MSH4: variants seen among roughly 807,000 people sequenced by gnomAD.
MSH4 encodes mutS homolog 4.
A neutral mutation model predicts 113.7 loss-of-function variants in MSH4; 106 were observed. The ratio of observed to expected loss-of-function variants is 0.93; its 90% CI spans 0.80 to 1.10. The LOEUF is 1.10. MSH4 is among the 50% of genes least tolerant of loss of function. The pLI is 0.00. For synonymous variants in MSH4, 368 were observed against 380.2 expected (o/e 0.97, Z 0.37); for missense variants, 1,061 against 1,093.7 (o/e 0.97, Z 0.42).
At chr1:75,836,324 G>A (rs1289552066) in intron 7 of MSH4, among the ~76,000 whole-genome samples, 1 of 120,576 alleles carries the variant, frequency 8.3e-6, no homozygotes, top group Admixed American at 1.0e-4. Context: ...TTTGAGACAA[G>A]GTCTCATTCT....
intron 1 of MSH4, 121 bp from the exon 2 acceptor site, chr1:75,803,610 T>C: frequency 2.7e-6 from 2 of 730,710 alleles, no homozygotes; most frequent in Non-Finnish European, 2.0e-6. Context: ...AGAGCAAGAC[T>C]CTGTCTCAAA....
At chr1:75,900,098 G>A (rs1017904626) in intron 19 of MSH4, among the ~76,000 whole-genome samples, 10 of 151,910 alleles carry the variant, frequency 6.6e-5, no homozygotes, top group Admixed American at 5.9e-4. Flanking sequence ...TCATATGTAA[G>A]CCTCATAACT....
intron 9 of MSH4, among the ~76,000 whole-genome samples, chr1:75,871,062 A>T (rs1282753229): frequency 8.5e-5 from 13 of 152,220 alleles, no homozygotes. Flanking sequence ...ATTGACTCAC[A>T]GTTCAGTATG....
intron 9 of MSH4, 111 bp downstream of exon 9, chr1:75,867,699 C>G (rs1166009613): frequency 1.0e-5 from 7 of 686,228 alleles, no homozygotes; most frequent in African/African-American, 1.8e-5. Flanking sequence ...GCGAATTTCC[C>G]ATATTTTTTT....
intron 19 of MSH4, among the ~76,000 whole-genome samples, chr1:75,909,604 T>C (rs1652744026): frequency 6.6e-6 from 1 of 152,132 alleles, no homozygotes; most frequent in East Asian, 1.9e-4. Context: ...AAGTCCCGCA[T>C]GCATTAGATA....
intron 6 of MSH4, among the ~76,000 whole-genome samples, chr1:75,817,371 ACT>A (rs5775311): frequency 0.79 from 120,325 of 151,800 alleles, 48,238 homozygotes; most frequent in South Asian, 0.9. Context: ...GGTTAAAATT[ACT>A]CTGTCTTTGA....
chr1:75,804,715 T>C (rs995214610), intron 2 of MSH4, among the ~76,000 whole-genome samples: 11 of 152,122 alleles, frequency 7.2e-5, no homozygotes, highest in Non-Finnish European at 1.0e-4. Flanking sequence ...TTCACCATAC[T>C]GGCCAGGCTG....
At chr1:75,802,647 T>C (rs778912756) in intron 1 of MSH4, among the ~76,000 whole-genome samples, 6 of 152,124 alleles carry the variant, frequency 3.9e-5, no homozygotes, top group Non-Finnish European at 8.8e-5. Flanking sequence ...GCCATTTGCA[T>C]AGGGGAGAGA....
chr1:75,910,036 A>T (rs958655071), intron 19 of MSH4, among the ~76,000 whole-genome samples: 2 of 152,110 alleles, frequency 1.3e-5, no homozygotes, highest in African/African-American at 4.8e-5. Context: ...TTTTCGTCAC[A>T]GGCTTTTCCT....
At chr1:75,846,456 G>C in intron 7 of MSH4, among the ~76,000 whole-genome samples, 1 of 152,244 alleles carries the variant, frequency 6.6e-6, no homozygotes, top group African/African-American at 2.4e-5. Flanking sequence ...TTACTGCCTA[G>C]GTAGCTCTTC....
rs527493832 is a variant in MSH4 at position 75,811,061 on chromosome 1, G to A, written c.699+254G>A. On this transcript the variant is annotated intron_variant, in intron 4 of 19. Coordinates refer to ENST00000263187, the MANE Select transcript of MSH4 (RefSeq NM_002440.4). ...TAATTTTTGTATTTTTAGTAGAAAT[G>A]GGGTTTCACCATGTTGGCCAGGCTA... Among the ~76,000 whole-genome samples the A allele has an allele frequency of 3.3e-5, 5 of 151,840 alleles. No homozygotes were observed. In the South Asian group the frequency reaches 6.3e-4, roughly 19 times the overall value.
At chr1:75,879,911 T>C in intron 12 of MSH4, 139 bp from the exon 13 acceptor site, 1 of 589,616 alleles carries the variant, frequency 1.7e-6, no homozygotes, top group Non-Finnish European at 3.0e-6. Context: ...TCACAAATAT[T>C]ATTTAGAACT....
At chr1:75,842,473 A>T (rs1650979194) in intron 7 of MSH4, among the ~76,000 whole-genome samples, 1 of 152,236 alleles carries the variant, frequency 6.6e-6, no homozygotes, top group African/African-American at 2.4e-5. Context: ...AAGAATAGTT[A>T]TACCAGATAT....
chr1:75,881,904 T>G lies in MSH4; in HGVS notation c.1906+534T>G, dbSNP rs768154803. ...TACTTCGAGTTAGTGCTTTGACATT[T>G]CTTATCTAACTTACCAGTAATAACC... On this transcript the variant is annotated intron_variant, in intron 14 of 19. Transcript: ENST00000263187. 7.9e-5 allele frequency among the ~76,000 whole-genome samples: 12 copies of G among 152,204 alleles called. No homozygotes were observed. In the South Asian group the frequency reaches 8.3e-4, roughly 10 times the overall value.
intron 19 of MSH4, among the ~76,000 whole-genome samples, chr1:75,903,419 T>G (rs2100592654): frequency 6.6e-6 from 1 of 152,234 alleles, no homozygotes; most frequent in African/African-American, 2.4e-5. Context: ...TCTGTTGTTT[T>G]GGTTACTATG....
intron 7 of MSH4, among the ~76,000 whole-genome samples, chr1:75,836,446 C>T (rs893068321): frequency 6.6e-6 from 1 of 151,886 alleles, no homozygotes; most frequent in African/African-American, 2.4e-5. Flanking sequence ...CTATAGGCCT[C>T]TGCCACCATA....
chr1:75,901,566 A>G (rs1018492915), intron 19 of MSH4, among the ~76,000 whole-genome samples: 3 of 152,108 alleles, frequency 2.0e-5, no homozygotes, highest in Non-Finnish European at 2.9e-5. Context: ...CTGTTAATGG[A>G]CACTTAGGTT....
intron 14 of MSH4, among the ~76,000 whole-genome samples, chr1:75,882,207 A>G (rs1205584950): frequency 6.6e-6 from 1 of 152,068 alleles, no homozygotes; most frequent in African/African-American, 2.4e-5. Flanking sequence ...AGATATTCCA[A>G]TGGTAGTTTT....
intron 17 of MSH4, among the ~76,000 whole-genome samples, chr1:75,896,394 C>CACACACACACACACACACACAT (rs571761055): frequency 2.8e-4 from 41 of 147,294 alleles, no homozygotes; most frequent in Admixed American, 4.8e-4. Context: ...CACACACACA[C>CACACACACACACACACACACAT]CCTATTGGTC....
Sources: gnomAD v4.1 joint callset for allele counts (sites outside exome capture counted in the v4.1 genomes callset) on GRCh38, gnomAD v4.1.1 for gene constraint, MANE v1.5 for transcripts, NCBI Gene and HGNC (gene_info 2026-07-23, HGNC 2026-07-21) for gene names.